The following SGSM2 variants were observed in gnomAD, a reference collection of about 807,000 sequenced individuals.
The protein encoded by SGSM2 is small G protein signaling modulator 2.
In SGSM2, 89 loss-of-function variants were observed where a neutral mutation model predicts 126.6. The ratio of observed to expected loss-of-function variants is 0.70; its 90% confidence interval spans 0.59 to 0.84. The LOEUF is 0.84. SGSM2 is among the 40% of genes least tolerant of loss of function. The pLI, the probability that SGSM2 is intolerant of heterozygous loss-of-function variation, is 0.00. For synonymous variants in SGSM2, 614 were observed against 574.3 expected (o/e 1.07, Z -0.99); for missense variants, 1,404 against 1,416.6 (o/e 0.99, Z 0.14).
rs573558301 is a variant in SGSM2, at chr17:2,350,896, C to G, written c.133+7276C>G. 9.8e-5 allele frequency among the ~76,000 whole-genome samples: 15 copies of G among 152,308 alleles called. No homozygotes were observed. The South Asian group carries it at 3.1e-3, about 32-fold the overall frequency. On this transcript the variant is annotated intron_variant, in intron 2 of 23. Transcript: ENST00000268989. The stretch of plus-strand genomic sequence containing the variant: ...ATTGAGGTAGACCCTGATTTTCTCC[C>G]TAATTACATCAGAAGCTCAGAGAGG...
At chr17:2,349,447 CTG>C (rs2064753642) in intron 2 of SGSM2, among the ~76,000 whole-genome samples, 2 of 151,856 alleles carry the variant, frequency 1.3e-5, no homozygotes, top group African/African-American at 4.8e-5. Context: ...ATCTGGGAAT[CTG>C]TGTTTCTGGA....
Position 2,368,552 on chromosome 17 carries a change from T to A in SGSM2, c.1423+1147T>A, listed in dbSNP as rs113028518. On this transcript the variant is annotated intron_variant, in intron 12 of 23. Transcript: ENST00000268989. ...CTTAGCCGGCCACTGATCCAGTAACTGTCTCCGGGCAGGCAGGACGGCCTG... is the reference window on the plus strand; with the variant it reads ...CTTAGCCGGCCACTGATCCAGTAACAGTCTCCGGGCAGGCAGGACGGCCTG... Among the ~76,000 whole-genome samples, 1,331 of 152,304 alleles carry A rather than the reference T, an allele frequency of 8.7e-3. 22 individuals carry two copies. Among genetic ancestry groups the A allele is most frequent in the African/African-American group, 0.031 (1,280 of 41,558 alleles).
Position 2,337,901 on chromosome 17 carries a change from C to T in SGSM2, c.57+156C>T, listed in dbSNP as rs1403678079. Reference sequence around the variant, plus strand: ...CGGGCTGCGCCTCCTTCCCCTTTCTCGGATGGGGGAGGGCAGCGCCCCTCT... The same window carrying T: ...CGGGCTGCGCCTCCTTCCCCTTTCTTGGATGGGGGAGGGCAGCGCCCCTCT... On this transcript the variant is annotated intron_variant, in intron 1 of 23. Transcript: ENST00000268989. This position sits in a 1 kb window ranked among gnomAD's most constrained non-coding sequence, Gnocchi z 5.1. 2.0e-5 allele frequency among the ~76,000 whole-genome samples: 3 copies of T among 151,964 alleles called. No homozygotes were observed. The East Asian group carries it at 5.9e-4, about 30-fold the overall frequency.
chr17:2,359,227 G>A (rs1337086160), intron 2 of SGSM2, among the ~76,000 whole-genome samples: 2 of 151,868 alleles, frequency 1.3e-5, no homozygotes, highest in East Asian at 1.9e-4. Context: ...AAGTCCTCTC[G>A]GGGCCATAGT....
At position 2,365,396 on chromosome 17, in the gene SGSM2, G is replaced by A. The variant is rs145502889; in HGVS notation, c.1288+55G>A. The A allele has an allele frequency of 5.8e-3, 8,596 of 1,481,942 alleles. 36 individuals are homozygous for A. Among genetic ancestry groups the A allele is most frequent in the Non-Finnish European group, 7.2e-3 (7,998 of 1,108,846 alleles). 91.8% of individuals were successfully genotyped at this position (1,481,942 alleles called of 1,614,324 possible). On this transcript the variant is annotated intron_variant, in intron 11 of 23. Coordinates refer to ENST00000268989, the MANE Select transcript of SGSM2 (RefSeq NM_014853.3). ...GGAGAGGAAGACGCTCTGGGAGGCG[G>A]GGAGCGCAGCGTCACCCAGGAGGGC...
Position 2,365,256 on chromosome 17 carries a change from C to T in SGSM2, c.1203C>T (p.Arg401=). Residue 401 remains arginine, a synonymous_variant, in exon 11 of 24, where the codon CGC becomes CGT. Transcript: ENST00000268989. ...FPKLRKRSSI[R]SVDMEEMGTG... is the part of the protein sequence containing the mutation. ...AGCTACGGAAACGAAGCAGCATTCG[C>T]TCCGTGGATATGGAGGAGATGGGCA... 1 of 1,612,004 alleles carries T rather than the reference C, an allele frequency of 6.2e-7. No individual in the cohort carries two copies. Among genetic ancestry groups the T allele is most frequent in the Non-Finnish European group, 8.5e-7 (1 of 1,179,032 alleles).
intron 2 of SGSM2, among the ~76,000 whole-genome samples, chr17:2,358,920 C>T (rs1171910043): frequency 6.7e-6 from 1 of 149,922 alleles, no homozygotes; most frequent in African/African-American, 2.5e-5. Context: ...TGTGTTCCCC[C>T]AGGCTGGAGT....
At position 2,361,674 on chromosome 17, in the gene SGSM2, C is replaced by A; in HGVS notation, c.171C>A (p.Arg57=). The stretch of plus-strand genomic sequence containing the variant: ...CTTGCCTCTTGCATCAGCTGAGACG[C>A]CGTGCCGCTGGCTTCCTGCGCAGTG... ...VEACLLHQLR[R]RAAGFLRSDK... The change falls in exon 3 of 24, where the codon CGC becomes CGA. Residue 57 remains arginine, a synonymous_variant. Coordinates refer to ENST00000268989, the MANE Select transcript of SGSM2 (RefSeq NM_014853.3). 1.2e-6 allele frequency: 2 copies of A among 1,614,020 alleles called. No homozygotes were observed. The highest frequency in any genetic ancestry group is 1.7e-6 in the Non-Finnish European group (2 of 1,180,022).
chr17:2,345,828 T>C (rs1017046361), intron 2 of SGSM2, among the ~76,000 whole-genome samples: 1 of 152,136 alleles, frequency 6.6e-6, no homozygotes, highest in Non-Finnish European at 1.5e-5. Context: ...CCTTATGCTT[T>C]GTCAAAATTG....
chr17:2,345,562 C>G (rs1382965505), intron 2 of SGSM2, among the ~76,000 whole-genome samples: 1 of 147,330 alleles, frequency 6.8e-6, no homozygotes, highest in Non-Finnish European at 1.5e-5. Flanking sequence ...CGCCACTGCA[C>G]TCCAGCCTGG....
In SGSM2 at chr17:2,362,752, T is replaced by G; in HGVS notation, c.459-86T>G. Reference sequence around the variant, plus strand: ...TTGATGACTGATCTGAATCTGGTCTTTGTGGGGATGTCCCTACCTGGTGAG... The same window carrying G: ...TTGATGACTGATCTGAATCTGGTCTGTGTGGGGATGTCCCTACCTGGTGAG... On this transcript the variant is annotated intron_variant, in intron 4 of 23. Coordinates refer to ENST00000268989, the MANE Select transcript of SGSM2 (RefSeq NM_014853.3). This position sits in a 1 kb window ranked among gnomAD's most constrained non-coding sequence, Gnocchi z 4.9. 7.5e-7 allele frequency: 1 copy of G among 1,335,240 alleles called. No individual in the cohort carries two copies. The highest frequency in any genetic ancestry group is 1.1e-6 in the Non-Finnish European group (1 of 937,288). 82.7% of individuals were successfully genotyped at this position (1,335,240 alleles called of 1,614,324 possible). A position where few individuals can be genotyped will look rare whatever the true frequency, so the allele number is the denominator to read the frequency against.
intron 11 of SGSM2, among the ~76,000 whole-genome samples, chr17:2,366,243 C>A (rs2065578588): frequency 6.6e-6 from 1 of 152,090 alleles, no homozygotes; most frequent in African/African-American, 2.4e-5. Context: ...GGACACACAC[C>A]CCTGGGCCCA....
chr17:2,359,128 C>T (rs1472561061), intron 2 of SGSM2, among the ~76,000 whole-genome samples: 4 of 152,232 alleles, frequency 2.6e-5, no homozygotes, highest in East Asian at 3.9e-4. Context: ...CCGCCTGCCT[C>T]GGCCTCCCAA....
At chr17:2,340,745 C>A (rs987080154) in intron 1 of SGSM2, among the ~76,000 whole-genome samples, 1 of 151,852 alleles carries the variant, frequency 6.6e-6, no homozygotes, top group Non-Finnish European at 1.5e-5. Flanking sequence ...CCACCACGCC[C>A]GGCTAATTTT....
At position 2,363,980 on chromosome 17, in the gene SGSM2, C is replaced by T. The variant is rs573945001; in HGVS notation, c.808-79C>T. On this transcript the variant is annotated intron_variant, in intron 7 of 23. Coordinates refer to ENST00000268989, the MANE Select transcript of SGSM2 (RefSeq NM_014853.3). The surrounding 1 kb of genome is among the most constrained non-coding windows in gnomAD (Gnocchi z 4.2). ...CTAGCTTGGCCTCCCCTCCTCCCAG[C>T]GGGAGCTCATTTCTCATAGGCCATC... 35 of 1,581,224 alleles carry T rather than the reference C, an allele frequency of 2.2e-5. No individual in the cohort carries two copies. The highest frequency in any genetic ancestry group is 2.4e-5 in the Non-Finnish European group (28 of 1,153,022).
intron 2 of SGSM2, among the ~76,000 whole-genome samples, chr17:2,357,161 C>T (rs1177044082): frequency 6.6e-6 from 1 of 152,074 alleles, no homozygotes; most frequent in African/African-American, 2.4e-5. Context: ...GTCTGTAGTT[C>T]CTGGCCTTTC....
intron 11 of SGSM2, chr17:2,366,539 G>A (rs1468531630): frequency 6.6e-6 from 1 of 152,334 alleles, no homozygotes; most frequent in Non-Finnish European, 1.5e-5. Context: ...GAGGGCACAC[G>A]GCACAGGGAT....
At chr17:2,344,698 G>A (rs1473081036) in intron 2 of SGSM2, among the ~76,000 whole-genome samples, 2 of 144,294 alleles carry the variant, frequency 1.4e-5, no homozygotes, top group African/African-American at 5.1e-5. Flanking sequence ...TGTGATAAGA[G>A]CTAGGAAGAA....
At chr17:2,350,020 C>G (rs1398403753) in intron 2 of SGSM2, among the ~76,000 whole-genome samples, 1 of 151,998 alleles carries the variant, frequency 6.6e-6, no homozygotes, top group Non-Finnish European at 1.5e-5. Context: ...ATCTCCTGAC[C>G]TCGTGATCCG....
Sources: allele counts gnomAD v4.1 joint callset (sites outside exome capture counted in the v4.1 genomes callset), GRCh38; gene constraint gnomAD v4.1.1; non-coding constraint Gnocchi (gnomAD v3.1); transcripts MANE v1.5; gene names NCBI Gene and HGNC (gene_info 2026-07-23, HGNC 2026-07-21).